The following WDR64 variants were observed in gnomAD, a reference collection of about 807,000 sequenced individuals.
WDR64 encodes the protein WD repeat-containing protein 64.
In WDR64, 112 loss-of-function variants were observed where a neutral mutation model predicts 139.3. The ratio of observed to expected loss-of-function variants is 0.80; its 90% CI spans 0.69 to 0.94. The LOEUF (loss-of-function observed/expected upper bound fraction) is 0.94. Ranked by LOEUF, WDR64 falls within the 40% of genes least tolerant of loss-of-function variation. The pLI is 0.00. For missense variants in WDR64, 1,206 were observed against 1,293.1 expected (o/e 0.93, Z 1.03); for synonymous variants, 444 against 437.7 (o/e 1.01, Z -0.18).
At chr1:241,679,413 G>A in intron 5 of WDR64, 72 bp from the exon 6 acceptor site, 1 of 1,338,134 alleles carries the variant, frequency 7.5e-7, no homozygotes, top group South Asian at 1.3e-5. Context: ...TGACTAACCT[G>A]CTCTTTGGTG....
intron 9 of WDR64, among the ~76,000 whole-genome samples, chr1:241,713,692 G>A (rs1668287725): frequency 6.6e-6 from 1 of 152,124 alleles, no homozygotes; most frequent in African/African-American, 2.4e-5. Context: ...AAAGGTGGAG[G>A]TTTTGTTGGG....
chr1:241,712,314 G>A (rs369352045), intron 9 of WDR64, among the ~76,000 whole-genome samples: 1 of 152,072 alleles, frequency 6.6e-6, no homozygotes, highest in African/African-American at 2.4e-5. Context: ...AAGAGCCAAT[G>A]GTTTAGAGTT....
At chr1:241,748,831 T>C (rs1372637716) in intron 13 of WDR64, among the ~76,000 whole-genome samples, 7 of 151,114 alleles carry the variant, frequency 4.6e-5, no homozygotes, top group Non-Finnish European at 8.8e-5. Flanking sequence ...TCCCAGCTAC[T>C]CTGGAGGCTG....
chr1:241,653,045 C>G (rs1279145586), intron 1 of WDR64, among the ~76,000 whole-genome samples: 2 of 152,214 alleles, frequency 1.3e-5, no homozygotes, highest in African/African-American at 4.8e-5. Context: ...AGCTTCCTGC[C>G]TCACCATGAT....
At chr1:241,681,278 C>T (rs1047574198) in intron 6 of WDR64, among the ~76,000 whole-genome samples, 1 of 152,096 alleles carries the variant, frequency 6.6e-6, no homozygotes, top group Non-Finnish European at 1.5e-5. Flanking sequence ...CCCTTCCCAC[C>T]CTTTTCCCCA....
chr1:241,669,881 T>C (rs1335113141), intron 2 of WDR64, among the ~76,000 whole-genome samples: 2 of 152,206 alleles, frequency 1.3e-5, no homozygotes, highest in African/African-American at 4.8e-5. Context: ...GAAAAGCTTG[T>C]TAGAAATGCA....
At chr1:241,704,769 T>G (rs1485342312) in intron 8 of WDR64, among the ~76,000 whole-genome samples, 1 of 152,202 alleles carries the variant, frequency 6.6e-6, no homozygotes, top group Admixed American at 6.5e-5. Context: ...AATAGGGTAT[T>G]AAATGGCTCT....
intron 3 of WDR64, among the ~76,000 whole-genome samples, chr1:241,672,106 T>G (rs889842292): frequency 2.0e-5 from 3 of 151,936 alleles, no homozygotes; most frequent in Admixed American, 1.3e-4. Flanking sequence ...ACTCCAGAGG[T>G]GGAGATTGCA....
intron 23 of WDR64, 143 bp downstream of exon 23, chr1:241,783,524 G>C: frequency 1.6e-6 from 1 of 633,376 alleles, no homozygotes; most frequent in Non-Finnish European, 2.6e-6. Context: ...GACACAAAAG[G>C]ACTTTGAAAA....
intron 9 of WDR64, among the ~76,000 whole-genome samples, chr1:241,713,767 G>T (rs967395918): frequency 1.3e-5 from 2 of 152,154 alleles, no homozygotes; most frequent in Admixed American, 6.5e-5. Flanking sequence ...GATGGAGAGG[G>T]TCTGAATTAC....
At chr1:241,787,486 G>A (rs1212595968) in intron 23 of WDR64, among the ~76,000 whole-genome samples, 3 of 151,852 alleles carry the variant, frequency 2.0e-5, no homozygotes, top group African/African-American at 7.3e-5. Context: ...CCAAAGTGGT[G>A]AAACCCCGTC....
At chr1:241,655,185 C>G (rs113517020) in intron 1 of WDR64, among the ~76,000 whole-genome samples, 21 of 152,250 alleles carry the variant, frequency 1.4e-4, no homozygotes, top group African/African-American at 3.9e-4. Flanking sequence ...GAGTTCAAGA[C>G]CAGCCTTGCC....
chr1:241,725,325 G>A (rs1269972935), intron 10 of WDR64, among the ~76,000 whole-genome samples: 2 of 151,890 alleles, frequency 1.3e-5, no homozygotes, highest in East Asian at 1.9e-4. Flanking sequence ...CAAGAAAATA[G>A]GGAGGAAACA....
At chr1:241,800,320 T>C (rs1289158685) in intron 27 of WDR64, among the ~76,000 whole-genome samples, 1 of 152,178 alleles carries the variant, frequency 6.6e-6, no homozygotes, top group African/African-American at 2.4e-5. Context: ...TATAACTCTC[T>C]ACATCTCCTC....
chr1:241,705,984 T>C (rs1363569578), intron 8 of WDR64, among the ~76,000 whole-genome samples: 1 of 152,074 alleles, frequency 6.6e-6, no homozygotes, highest in Non-Finnish European at 1.5e-5. Flanking sequence ...ACCATAATAC[T>C]ATCAATCTTA....
rs138513526 is a variant in WDR64 at position 241,784,976 on chromosome 1, A to AAAAAAAAAAAAAAAG, written c.2705+1595_2705+1596insAAAAAAAAAAAAAAG. Among the ~76,000 whole-genome samples, 68 of 98,466 alleles carry AAAAAAAAAAAAAAAG rather than the reference A, an allele frequency of 6.9e-4. 3 individuals carry two copies. Among genetic ancestry groups the AAAAAAAAAAAAAAAG allele is most frequent in the East Asian group, 9.6e-4 (3 of 3,110 alleles). 64.6% of individuals were successfully genotyped at this position (98,466 alleles called of 152,430 possible). A position where few individuals can be genotyped will look rare whatever the true frequency, so the allele number is the denominator to read the frequency against. On this transcript the variant is annotated intron_variant, in intron 23 of 27. Transcript: ENST00000437684. ...CTGAAAAAAAAAAAAAAAAAAAAAA[A>AAAAAAAAAAAAAAAG]GAAAGGACATCTGCTGTTTTATTTG... is the stretch of plus-strand genomic sequence containing the variant.
At chr1:241,790,440 A>G (rs1558526465) in intron 24 of WDR64, 151 bp from the exon 25 acceptor site, 1 of 594,706 alleles carries the variant, frequency 1.7e-6, no homozygotes. Flanking sequence ...ACCAACTGGT[A>G]TAAGAGTTGA....
chr1:241,653,233 G>A (rs1468269167), intron 1 of WDR64, among the ~76,000 whole-genome samples: 3 of 152,118 alleles, frequency 2.0e-5, no homozygotes, highest in African/African-American at 7.2e-5. Flanking sequence ...GGACAGCTGT[G>A]AAAAATAAAG....
At chr1:241,797,046 A>G (rs116044415) in intron 27 of WDR64, among the ~76,000 whole-genome samples, 115 of 152,356 alleles carry the variant, frequency 7.5e-4, no homozygotes, top group African/African-American at 2.7e-3. Context: ...GAGTAAAGCC[A>G]TGAGGTCAGT....
Sources: gnomAD v4.1 joint callset for allele counts (sites outside exome capture counted in the v4.1 genomes callset) on GRCh38, gnomAD v4.1.1 for gene constraint, MANE v1.5 for transcripts, NCBI Gene and HGNC (gene_info 2026-07-23, HGNC 2026-07-21) for gene names.